The following SLC24A3 variants were observed in gnomAD, a reference collection of about 807,000 sequenced individuals.
The protein encoded by SLC24A3 is sodium/potassium/calcium exchanger 3.
Under a neutral mutation model 75.8 loss-of-function variants are expected in SLC24A3, and 28 were observed. That is an observed-to-expected ratio of 0.37 (90% CI 0.27 to 0.51). The LOEUF is 0.51. Ranked by LOEUF, SLC24A3 falls within the 20% of genes least tolerant of loss-of-function variation. The probability of loss-of-function intolerance (pLI) is 0.94; values close to 1 mark genes in which losing one functional copy is unlikely to be tolerated. For synonymous variants in SLC24A3, 372 were observed against 334.1 expected, an observed-to-expected ratio of 1.11 and a Z score of -1.24; for missense variants, 663 against 847.8, an observed-to-expected ratio of 0.78 and a Z score of 2.71.
At chr20:19,271,582 C>T (rs1313966790) in intron 1 of SLC24A3, among the ~76,000 whole-genome samples, 1 of 152,212 alleles carries the variant, frequency 6.6e-6, no homozygotes, top group African/African-American at 2.4e-5. Flanking sequence ...AATATGGAAT[C>T]AGGCTAAAAG....
intron 6 of SLC24A3, among the ~76,000 whole-genome samples, chr20:19,643,090 C>A (rs2122699639): frequency 6.6e-6 from 1 of 152,268 alleles, no homozygotes; most frequent in Non-Finnish European, 1.5e-5. Context: ...GCCACACAGT[C>A]ATAGCAATCA....
At chr20:19,319,667 G>C (rs1431875044) in intron 2 of SLC24A3, among the ~76,000 whole-genome samples, 1 of 152,224 alleles carries the variant, frequency 6.6e-6, no homozygotes, top group Non-Finnish European at 1.5e-5. Flanking sequence ...GATGCAGTGA[G>C]ATTTTAGCTC....
At chr20:19,554,039 C>A (rs573118837) in intron 3 of SLC24A3, among the ~76,000 whole-genome samples, 2 of 152,132 alleles carry the variant, frequency 1.3e-5, no homozygotes, top group East Asian at 3.9e-4. Flanking sequence ...GATAACAATG[C>A]AGTCTAAGAA....
At chr20:19,291,451 G>A (rs888304783) in intron 2 of SLC24A3, among the ~76,000 whole-genome samples, 5 of 152,186 alleles carry the variant, frequency 3.3e-5, no homozygotes, top group East Asian at 1.9e-4. Flanking sequence ...GCCACACCTC[G>A]GTTTGTGTGC....
chr20:19,411,055 C>T (rs1568611100), intron 2 of SLC24A3, among the ~76,000 whole-genome samples: 1 of 152,200 alleles, frequency 6.6e-6, no homozygotes, highest in African/African-American at 2.4e-5. Flanking sequence ...GTTTCTTAGT[C>T]CCTGCTTTCC....
chr20:19,587,186 C>G (rs1257351133), intron 6 of SLC24A3, among the ~76,000 whole-genome samples: 1 of 152,182 alleles, frequency 6.6e-6, no homozygotes, highest in Non-Finnish European at 1.5e-5. Flanking sequence ...TCATTTGTAC[C>G]TGAAGCTTGA....
At chr20:19,288,969 T>G (rs1484204783) in intron 2 of SLC24A3, among the ~76,000 whole-genome samples, 2 of 152,240 alleles carry the variant, frequency 1.3e-5, no homozygotes, top group Admixed American at 1.3e-4. Context: ...ATATTTATTC[T>G]TGGGCCTTTA....
In SLC24A3 at chr20:19,329,278, GA is replaced by G. The variant is rs1984940904; in HGVS notation, c.271+48197del. Among the ~76,000 whole-genome samples the G allele has an allele frequency of 3.3e-5, 5 of 151,958 alleles. No homozygotes were observed. In the South Asian group the frequency reaches 8.3e-4, roughly 25 times the overall value. ...AAACGAAAGTATAATAATAAAAAAAGAAAAAAGCTTGTTTTTATGCTAATGA... is the reference window on the plus strand; with the variant it reads ...AAACGAAAGTATAATAATAAAAAAAGAAAAAGCTTGTTTTTATGCTAATGA... On this transcript the variant is annotated intron_variant, in intron 2 of 16. Transcript: ENST00000328041.
chr20:19,233,381 C>T (rs972345996), intron 1 of SLC24A3, among the ~76,000 whole-genome samples: 6 of 152,214 alleles, frequency 3.9e-5, no homozygotes, highest in African/African-American at 1.2e-4. Context: ...CATACATGGA[C>T]GCATCTTGTC....
intron 2 of SLC24A3, among the ~76,000 whole-genome samples, chr20:19,309,980 T>G (rs535027491): frequency 6.6e-6 from 1 of 152,236 alleles, no homozygotes; most frequent in African/African-American, 2.4e-5. Context: ...CCGACCAGCC[T>G]GAGTCCCCAT....
chr20:19,458,306 A>C (rs1196746038), intron 2 of SLC24A3, among the ~76,000 whole-genome samples: 1 of 152,168 alleles, frequency 6.6e-6, no homozygotes, highest in Non-Finnish European at 1.5e-5. Context: ...TAGGTATATA[A>C]AAATTATTTT....
At chr20:19,401,280 T>C (rs1600465570) in intron 2 of SLC24A3, among the ~76,000 whole-genome samples, 1 of 152,190 alleles carries the variant, frequency 6.6e-6, no homozygotes, top group Admixed American at 6.5e-5. Flanking sequence ...CACCAGCCTC[T>C]CTCATCTCTC....
intron 9 of SLC24A3, among the ~76,000 whole-genome samples, chr20:19,677,686 C>CTTTTTTTTTTTTTTTTTTTTTTTTT (rs796484728): frequency 2.6e-5 from 3 of 113,928 alleles, no homozygotes; most frequent in African/African-American, 3.3e-5. Context: ...TTTTTTTTTT[C>CTTTTTTTTTTTTTTTTTTTTTTTTT]TTTTTTTTTT....
rs1899010795 is a variant in SLC24A3, at chr20:19,721,270, C to T, written c.*130C>T. ...CCTGTGCTGTCCTCAGGCCTCCGCT[C>T]CTGTTTTGGTGGCCCAGGCTCTCCC... On this transcript the variant is annotated 3_prime_UTR_variant, in exon 17 of 17. Coordinates refer to ENST00000328041, the MANE Select transcript of SLC24A3 (RefSeq NM_020689.4). The T allele has an allele frequency of 2.4e-6, 3 of 1,238,518 alleles. No homozygotes were observed. The highest frequency in any genetic ancestry group is 3.3e-6 in the Non-Finnish European group (3 of 897,254). The allele number at this position is 1,238,518 out of a possible 1,614,324, so 76.7% of individuals were successfully genotyped here.
chr20:19,340,985 C>A (rs1401674663), intron 2 of SLC24A3, among the ~76,000 whole-genome samples: 1 of 152,216 alleles, frequency 6.6e-6, no homozygotes, highest in East Asian at 1.9e-4. Flanking sequence ...GATAGAACCA[C>A]AGTTCAAGTT....
intron 2 of SLC24A3, among the ~76,000 whole-genome samples, chr20:19,285,813 T>TA (rs1343266054): frequency 1.1e-4 from 17 of 152,228 alleles, no homozygotes; most frequent in Non-Finnish European, 4.4e-5. Flanking sequence ...TTAAGTTAGC[T>TA]AAATGTAATA....
chr20:19,416,305 G>A (rs949458143), intron 2 of SLC24A3, among the ~76,000 whole-genome samples: 3 of 152,176 alleles, frequency 2.0e-5, no homozygotes, highest in East Asian at 1.9e-4. Context: ...CCCAGATTCC[G>A]ATTCAGGAAA....
At chr20:19,416,236 A>C (rs1986825155) in intron 2 of SLC24A3, among the ~76,000 whole-genome samples, 1 of 152,198 alleles carries the variant, frequency 6.6e-6, no homozygotes, top group Non-Finnish European at 1.5e-5. Flanking sequence ...AACACAACAC[A>C]AAAACAAAAA....
At chr20:19,422,402 T>C (rs1295849167) in intron 2 of SLC24A3, among the ~76,000 whole-genome samples, 1 of 152,118 alleles carries the variant, frequency 6.6e-6, no homozygotes, top group Non-Finnish European at 1.5e-5. Flanking sequence ...GAGCAAGCAG[T>C]TACGGGAGTA....
Sources: gnomAD v4.1 joint callset for allele counts (sites outside exome capture counted in the v4.1 genomes callset) on GRCh38, gnomAD v4.1.1 for gene constraint, MANE v1.5 for transcripts, NCBI Gene and HGNC (gene_info 2026-07-23, HGNC 2026-07-21) for gene names.